The following LRMDA variants were observed in gnomAD, a reference collection of about 807,000 sequenced individuals.
The protein encoded by LRMDA is leucine-rich melanocyte differentiation-associated protein.
Under a neutral mutation model 29.8 loss-of-function variants are expected in LRMDA, and 18 were observed. The ratio of observed to expected loss-of-function variants is 0.60; its 90% confidence interval spans 0.42 to 0.90. LRMDA has a LOEUF of 0.90. Ranked by LOEUF, LRMDA falls within the 40% of genes least tolerant of loss-of-function variation. The probability of loss-of-function intolerance (pLI) is 0.00; values close to 1 mark genes in which losing one functional copy is unlikely to be tolerated. For synonymous variants in LRMDA, 125 were observed against 109.4 expected (o/e 1.14, Z -0.89); for missense variants, 273 against 273.9 (o/e 1.00, Z 0.02).
At chr10:76,043,527 G>C (rs896663347) in intron 3 of LRMDA, among the ~76,000 whole-genome samples, 22 of 149,766 alleles carry the variant, frequency 1.5e-4, no homozygotes, top group African/African-American at 5.4e-4. Flanking sequence ...ACAGATTATA[G>C]TGTAAATTAC....
intron 2 of LRMDA, among the ~76,000 whole-genome samples, chr10:75,961,610 C>G (rs151021243): frequency 6.6e-6 from 1 of 152,022 alleles, no homozygotes; most frequent in Non-Finnish European, 1.5e-5. Context: ...ACTTCTCAGT[C>G]GAGGGGTATA....
intron 6 of LRMDA, among the ~76,000 whole-genome samples, chr10:76,426,303 G>A (rs1371575566): frequency 6.6e-6 from 1 of 152,162 alleles, no homozygotes; most frequent in Non-Finnish European, 1.5e-5. Context: ...TCTAACTGGT[G>A]TGAGATGATA....
chr10:76,324,471 T>C lies in LRMDA; in HGVS notation c.587T>C (p.Leu196Pro), dbSNP rs372764998. Residue 196 changes from leucine to proline, a missense_variant, in exon 6 of 7, where the codon CTC becomes CCC. Leu to Pro is a moderately conservative substitution (Grantham distance 98). Coordinates refer to ENST00000611255, the MANE Select transcript of LRMDA (RefSeq NM_001305581.2). ...CCCTTGCCTTCTGCTTCCAGGGAAC[T>C]CACCAGTCACCAAGGTTGGAACTCA... Reference protein sequence around the residue: ...YTPLPSASRELTSHQGVLGKC... With the variant: ...YTPLPSASREPTSHQGVLGKC... 3 of 1,613,948 alleles carry C rather than the reference T, an allele frequency of 1.9e-6. No homozygotes were observed. The African/African-American group carries it at 4.0e-5, about 22-fold the overall frequency.
At chr10:76,544,442 G>A (rs1008480435) in intron 6 of LRMDA, among the ~76,000 whole-genome samples, 1 of 152,102 alleles carries the variant, frequency 6.6e-6, no homozygotes, top group African/African-American at 2.4e-5. Context: ...CTGTCTGACT[G>A]GGGCATTCTA....
chr10:75,951,252 C>T (rs551708611), intron 2 of LRMDA, among the ~76,000 whole-genome samples: 2 of 152,276 alleles, frequency 1.3e-5, no homozygotes, highest in African/African-American at 2.4e-5. Context: ...TAAGTAGTCA[C>T]ACAAGGCACT....
chr10:75,713,080 G>T (rs1842457096), intron 2 of LRMDA, among the ~76,000 whole-genome samples: 1 of 152,158 alleles, frequency 6.6e-6, no homozygotes, highest in Non-Finnish European at 1.5e-5. Context: ...CTTCTTTTGT[G>T]CAGGAAAAAG....
chr10:76,149,133 A>T (rs1203307429), intron 5 of LRMDA, among the ~76,000 whole-genome samples: 1 of 152,172 alleles, frequency 6.6e-6, no homozygotes, highest in Admixed American at 6.5e-5. Context: ...TTTGGTTTGA[A>T]TGTTCATCTT....
chr10:76,454,080 C>T (rs1192252462), intron 6 of LRMDA, among the ~76,000 whole-genome samples: 4 of 152,102 alleles, frequency 2.6e-5, no homozygotes, highest in South Asian at 2.1e-4. Context: ...CCACGACAAC[C>T]GTTTCATTGA....
chr10:75,585,270 C>T lies in LRMDA; in HGVS notation c.131+146776C>T, dbSNP rs367622160. On this transcript the variant is annotated intron_variant, in intron 2 of 6. Coordinates refer to ENST00000611255, the MANE Select transcript of LRMDA (RefSeq NM_001305581.2). Reference sequence around the variant, plus strand: ...CATATAGCATATTGCTCAAAATGTCCTTGCTTCATTTGTTCAACACAATAT... The same window carrying T: ...CATATAGCATATTGCTCAAAATGTCTTTGCTTCATTTGTTCAACACAATAT... Among the ~76,000 whole-genome samples the T allele has an allele frequency of 6.6e-5, 10 of 152,180 alleles. No homozygotes were observed. In the East Asian group the frequency reaches 1.3e-3, roughly 21 times the overall value.
At chr10:76,147,373 T>C (rs1850346228) in intron 5 of LRMDA, among the ~76,000 whole-genome samples, 1 of 152,160 alleles carries the variant, frequency 6.6e-6, no homozygotes, top group Non-Finnish European at 1.5e-5. Context: ...TCTTGGAGGC[T>C]TTGTTCATTT....
intron 5 of LRMDA, among the ~76,000 whole-genome samples, chr10:76,305,043 G>A (rs979406140): frequency 3.3e-5 from 5 of 152,168 alleles, no homozygotes; most frequent in Admixed American, 6.5e-5. Context: ...GTGAATCTTC[G>A]TGGAGTCCTT....
At chr10:76,177,093 G>A (rs567421890) in intron 5 of LRMDA, among the ~76,000 whole-genome samples, 23 of 152,300 alleles carry the variant, frequency 1.5e-4, no homozygotes, top group Non-Finnish European at 2.9e-4. Context: ...AGCACAGCCT[G>A]TTCAAGTTTA....
At chr10:75,831,084 C>T (rs1475447423) in intron 2 of LRMDA, among the ~76,000 whole-genome samples, 7 of 151,216 alleles carry the variant, frequency 4.6e-5, no homozygotes, top group Admixed American at 1.3e-4. Context: ...TCACTCTTGT[C>T]GCCTAGGCTG....
chr10:75,686,721 T>A (rs1176780945), intron 2 of LRMDA, among the ~76,000 whole-genome samples: 1 of 152,212 alleles, frequency 6.6e-6, no homozygotes, highest in Non-Finnish European at 1.5e-5. Context: ...AATACAGGCA[T>A]GCCTTGTTTT....
chr10:75,957,738 G>A (rs968107985), intron 2 of LRMDA, among the ~76,000 whole-genome samples: 29 of 152,166 alleles, frequency 1.9e-4, no homozygotes, highest in African/African-American at 6.3e-4. Flanking sequence ...GTGCATGAGC[G>A]GGAGAGAGTG....
chr10:75,649,381 T>C (rs1459691332), intron 2 of LRMDA, among the ~76,000 whole-genome samples: 1 of 152,256 alleles, frequency 6.6e-6, no homozygotes, highest in Non-Finnish European at 1.5e-5. Context: ...TTCCACCTTT[T>C]GGCTATTGTG....
chr10:76,089,334 G>A (rs1383377655), intron 5 of LRMDA, among the ~76,000 whole-genome samples: 3 of 152,172 alleles, frequency 2.0e-5, no homozygotes, highest in Admixed American at 6.5e-5. Context: ...TTTGATTGTC[G>A]ATGGAAATAC....
chr10:75,637,467 A>G (rs150333916), intron 2 of LRMDA, among the ~76,000 whole-genome samples: 1 of 152,240 alleles, frequency 6.6e-6, no homozygotes, highest in East Asian at 1.9e-4. Flanking sequence ...GAGAAGGGGT[A>G]TGGAGTGGAG....
At chr10:76,056,342 C>T (rs1403632166) in intron 4 of LRMDA, among the ~76,000 whole-genome samples, 1 of 152,244 alleles carries the variant, frequency 6.6e-6, no homozygotes, top group Non-Finnish European at 1.5e-5. Context: ...TGTTCTCACT[C>T]TGATTTACGA....
Sources: allele counts gnomAD v4.1 joint callset (sites outside exome capture counted in the v4.1 genomes callset), GRCh38; gene constraint gnomAD v4.1.1; transcripts MANE v1.5; gene names NCBI Gene and HGNC (gene_info 2026-07-23, HGNC 2026-07-21).